The following KLHDC4 variants were observed in gnomAD, a reference collection of about 807,000 sequenced individuals.
KLHDC4 encodes the protein kelch domain containing 4.
A neutral mutation model predicts 62.4 loss-of-function variants in KLHDC4; 90 were observed. The observed-to-expected ratio is 1.44, with a 90% CI of 1.22 to 1.72. KLHDC4 has a LOEUF of 1.72. Ranked by LOEUF, KLHDC4 falls within the 40% of genes most tolerant of loss-of-function variation. The pLI is 0.00. For synonymous variants in KLHDC4, 386 were observed against 284.4 expected (o/e 1.36, Z -3.59); for missense variants, 1,025 against 699.7 (o/e 1.47, Z -5.25).
At chr16:87,741,791 C>G (rs1567770795) in intron 5 of KLHDC4, among the ~76,000 whole-genome samples, 1 of 152,218 alleles carries the variant, frequency 6.6e-6, no homozygotes, top group South Asian at 2.1e-4. Context: ...AATCCAGACT[C>G]CCTGCGCCTC....
intron 7 of KLHDC4, among the ~76,000 whole-genome samples, chr16:87,720,216 C>T (rs376868885): frequency 6.6e-6 from 1 of 152,262 alleles, no homozygotes; most frequent in East Asian, 1.9e-4. Context: ...AGATAAAGGC[C>T]GGGGAGCGTT....
intron 4 of KLHDC4, among the ~76,000 whole-genome samples, chr16:87,749,268 T>C (rs2043522600): frequency 6.6e-6 from 1 of 151,956 alleles, no homozygotes; most frequent in African/African-American, 2.4e-5. Context: ...AAAGAAAGTG[T>C]TTATGTGCCA....
intron 5 of KLHDC4, chr16:87,740,620 G>A (rs1270958878): frequency 1.3e-5 from 2 of 152,174 alleles, no homozygotes; most frequent in East Asian, 1.9e-4. Context: ...ACCAGATGCT[G>A]GTGTTTTTAG....
At chr16:87,713,697 G>A (rs533722578) in intron 8 of KLHDC4, among the ~76,000 whole-genome samples, 3 of 152,176 alleles carry the variant, frequency 2.0e-5, no homozygotes, top group South Asian at 4.2e-4. Flanking sequence ...AACATGAAAC[G>A]TGCCATGTGT....
chr16:87,760,853 C>T (rs1451728592), intron 2 of KLHDC4, among the ~76,000 whole-genome samples: 2 of 151,796 alleles, frequency 1.3e-5, no homozygotes. Flanking sequence ...GCCAACATGG[C>T]AAAACCCCAT....
chr16:87,718,330 CCTCCCCCTCT>C, intron 7 of KLHDC4, among the ~76,000 whole-genome samples: 1 of 75,772 alleles, frequency 1.3e-5, no homozygotes, highest in Non-Finnish European at 2.6e-5. Context: ...CCTCCCTCTC[CCTCCCCCTCT>C]CCTCCCCCTC....
chr16:87,735,631 G>C (rs940263131), intron 5 of KLHDC4, among the ~76,000 whole-genome samples: 1 of 152,308 alleles, frequency 6.6e-6, no homozygotes, highest in African/African-American at 2.4e-5. Flanking sequence ...AAGATTCCAC[G>C]TCCCTCTTTA....
intron 8 of KLHDC4, among the ~76,000 whole-genome samples, chr16:87,714,161 T>C (rs1248178756): frequency 1.3e-5 from 2 of 152,150 alleles, no homozygotes; most frequent in African/African-American, 2.4e-5. Flanking sequence ...AGGATGGTTC[T>C]CCCTTCGAGA....
chr16:87,709,636 C>A lies in KLHDC4; in HGVS notation c.1076G>T (p.Arg359Leu). ...ACCTTCGGGCTCCTCTTTTCTGCCC[C>A]GCCTGCGTTTCTTCTTTTCAGACTT... is the stretch of plus-strand genomic sequence containing the variant. Reference protein sequence around the residue: ...GPKSEKKKRRRGRKEEPEGGS... With the variant: ...GPKSEKKKRRLGRKEEPEGGS... Residue 359 changes from arginine to leucine, a missense_variant, in exon 10 of 12, where the codon CGG becomes CTG. Transcript: ENST00000270583. 1.9e-6 allele frequency: 3 copies of A among 1,606,094 alleles called. No homozygotes were observed. Among genetic ancestry groups the A allele is most frequent in the Non-Finnish European group, 2.6e-6 (3 of 1,176,324 alleles).
intron 2 of KLHDC4, among the ~76,000 whole-genome samples, chr16:87,759,413 C>T (rs1451399355): frequency 6.7e-6 from 1 of 149,536 alleles, no homozygotes; most frequent in African/African-American, 2.5e-5. Context: ...AGCAAAACTC[C>T]GTCTCAGAAA....
At chr16:87,718,521 C>A (rs143509076) in intron 7 of KLHDC4, among the ~76,000 whole-genome samples, 9,514 of 150,464 alleles carry the variant, frequency 0.063, 996 homozygotes, top group African/African-American at 0.22. Context: ...AGGCACGCGC[C>A]GCCACGCCTG....
intron 7 of KLHDC4, among the ~76,000 whole-genome samples, chr16:87,719,141 T>G (rs4843680): frequency 0.74 from 112,289 of 151,786 alleles, 41,676 homozygotes; most frequent in African/African-American, 0.78. Flanking sequence ...GTGAGGATCT[T>G]CCCGGCCGCC....
Position 87,762,007 on chromosome 16 carries a change from T to C in KLHDC4, c.133A>G (p.Thr45Ala), listed in dbSNP as rs955288588. The change falls in exon 2 of 12, where the codon ACA (threonine) becomes GCA (alanine). Residue 45 changes from threonine to alanine, a missense_variant. Thr to Ala is a moderately conservative substitution (Grantham distance 58). Transcript: ENST00000270583. ...DLEALIAHFQ[T>A]LDAKRTQTVE... is the part of the protein sequence containing the mutation. Reference sequence around the variant, plus strand: ...GTCTGAGTCCTCTTGGCATCGAGTGTCTGGAAATGGGCTATGAGCGCTTCC... The same window carrying C: ...GTCTGAGTCCTCTTGGCATCGAGTGCCTGGAAATGGGCTATGAGCGCTTCC... 2 of 1,613,952 alleles carry C rather than the reference T, an allele frequency of 1.2e-6. No individual in the cohort carries two copies. The highest frequency in any genetic ancestry group is 2.2e-5 in the South Asian group (2 of 91,042).
At chr16:87,720,724 A>T (rs2038122743) in intron 7 of KLHDC4, among the ~76,000 whole-genome samples, 1 of 152,240 alleles carries the variant, frequency 6.6e-6, no homozygotes, top group African/African-American at 2.4e-5. Flanking sequence ...CCTGTCGGTT[A>T]CGGTTAGCAT....
intron 2 of KLHDC4, among the ~76,000 whole-genome samples, chr16:87,759,229 T>C (rs753431265): frequency 5.9e-5 from 9 of 151,662 alleles, no homozygotes; most frequent in Non-Finnish European, 1.2e-4. Context: ...TTAAACATTT[T>C]ACCACAATAA....
chr16:87,755,945 GCAGGGAAGGTGAGCTC>G (rs1597378953), intron 3 of KLHDC4: 1 of 162,650 alleles, frequency 6.1e-6, no homozygotes, highest in East Asian at 1.7e-4. Context: ...ATCCCGGGCT[GCAGGGAAGGTGAGCTC>G]CTGCTTTTGT....
At chr16:87,740,089 C>T (rs925603746) in intron 5 of KLHDC4, among the ~76,000 whole-genome samples, 5 of 152,142 alleles carry the variant, frequency 3.3e-5, no homozygotes, top group East Asian at 1.9e-4. Flanking sequence ...TGGAGGGAGA[C>T]GAATCTCCCC....
chr16:87,706,543 C>T (rs2034754046), downstream of KLHDC4, among the ~76,000 whole-genome samples: 1 of 152,242 alleles, frequency 6.6e-6, no homozygotes. Context: ...ACGCACCAGA[C>T]AGGTGTCCCC....
At chr16:87,754,092 A>T (rs1476887605) in intron 4 of KLHDC4, among the ~76,000 whole-genome samples, 1 of 151,624 alleles carries the variant, frequency 6.6e-6, no homozygotes, top group Non-Finnish European at 1.5e-5. Context: ...GTGAGCTGAT[A>T]TAATGCCACT....
Sources: allele counts gnomAD v4.1 joint callset (sites outside exome capture counted in the v4.1 genomes callset), GRCh38; gene constraint gnomAD v4.1.1; transcripts MANE v1.5; gene names NCBI Gene and HGNC (gene_info 2026-07-23, HGNC 2026-07-21).